Variants in KIRREL3 observed in about 807,000 individuals in gnomAD.
KIRREL3 encodes the protein kirre like nephrin family adhesion molecule 3, also known as kin of IRRE-like protein 3.
A neutral mutation model predicts 89.7 loss-of-function variants in KIRREL3; 36 were observed. The ratio of observed to expected loss-of-function variants is 0.40; its 90% CI spans 0.31 to 0.53. The LOEUF (loss-of-function observed/expected upper bound fraction) is 0.53. Ranked by LOEUF, KIRREL3 falls within the 20% of genes least tolerant of loss-of-function variation. The pLI is 0.49. For synonymous variants in KIRREL3, 445 were observed against 441.4 expected (o/e 1.01, Z -0.10); for missense variants, 864 against 1,056.6 (o/e 0.82, Z 2.53).
At chr11:126,473,244 A>AACCCCCCCCCC in intron 5 of KIRREL3, 65 bp downstream of exon 5, 1 of 617,096 alleles carries the variant, frequency 1.6e-6, no homozygotes, top group Admixed American at 6.3e-5. Flanking sequence ...CTGTCCACCT[A>AACCCCCCCCCC]GCCCCCTCCC....
At position 126,883,217 on chromosome 11, in the gene KIRREL3, A is replaced by G. The variant is rs535108086; in HGVS notation, c.55+117238T>C. ...GGAGACAGGAGGATCATCATCTGCT[A>G]TAGAGAGTTCTTGAGAAGCCAGGAA... On this transcript the variant is annotated intron_variant, in intron 1 of 16. Coordinates refer to ENST00000525144, the MANE Select transcript of KIRREL3 (RefSeq NM_032531.4). This position sits in a 1 kb window ranked among gnomAD's most constrained non-coding sequence, Gnocchi z 4.1. Among the ~76,000 whole-genome samples, 58 of 152,292 alleles carry G rather than the reference A, an allele frequency of 3.8e-4. No individual in the cohort carries two copies. The South Asian group carries it at 0.012, about 30-fold the overall frequency.
chr11:126,870,918 A>G lies in KIRREL3; in HGVS notation c.55+129537T>C, dbSNP rs1945087117. ...AATTTTCTGCCTACCTTACAGAAAG[A>G]CTGGACCAAAACTGTTCTACATGGC... On this transcript the variant is annotated intron_variant, in intron 1 of 16. Transcript: ENST00000525144. This position sits in a 1 kb window ranked among gnomAD's most constrained non-coding sequence, Gnocchi z 4.4. 6.6e-6 allele frequency among the ~76,000 whole-genome samples: 1 copy of G among 152,032 alleles called. No homozygotes were observed. The highest frequency in any genetic ancestry group is 2.4e-5 in the African/African-American group (1 of 41,392).
At chr11:126,847,522 TA>T (rs1363914122) in intron 1 of KIRREL3, among the ~76,000 whole-genome samples, 1 of 152,146 alleles carries the variant, frequency 6.6e-6, no homozygotes, top group African/African-American at 2.4e-5. Flanking sequence ...AAGTTTCTGA[TA>T]ACTTTGGAGA....
chr11:126,709,028 C>A lies in KIRREL3; in HGVS notation c.56-146116G>T, dbSNP rs1482945550. 1.3e-5 allele frequency among the ~76,000 whole-genome samples: 2 copies of A among 152,192 alleles called. No homozygotes were observed. The highest frequency in any genetic ancestry group is 4.8e-5 in the African/African-American group (2 of 41,442). ...CCCAGGACAGCTTGTGTTATCACGGCCAGGTGGATCTTTCTAGAACACCAA... is the reference window on the plus strand; with the variant it reads ...CCCAGGACAGCTTGTGTTATCACGGACAGGTGGATCTTTCTAGAACACCAA... On this transcript the variant is annotated intron_variant, in intron 1 of 16. Transcript: ENST00000525144. This position sits in a 1 kb window ranked among gnomAD's most constrained non-coding sequence, Gnocchi z 4.0.
rs374910009 is a variant in KIRREL3 at position 126,627,582 on chromosome 11, G to A, written c.56-64670C>T. Among the ~76,000 whole-genome samples the A allele has an allele frequency of 4.6e-5, 7 of 152,206 alleles. No homozygotes were observed. Among genetic ancestry groups the A allele is most frequent in the Non-Finnish European group, 7.3e-5 (5 of 68,040 alleles). ...TGCCATGTGGCCGATGTGTCCTACC[G>A]TGGTACATCATCTCCTAATTAACAT... On this transcript the variant is annotated intron_variant, in intron 1 of 16. Transcript: ENST00000525144. This position sits in a 1 kb window ranked among gnomAD's most constrained non-coding sequence, Gnocchi z 5.0.
intron 4 of KIRREL3, among the ~76,000 whole-genome samples, chr11:126,518,662 G>T (rs1243039364): frequency 6.6e-6 from 1 of 152,260 alleles, no homozygotes; most frequent in East Asian, 1.9e-4. Context: ...GTCTTGGTAG[G>T]GAAGGCGGCT....
intron 2 of KIRREL3, among the ~76,000 whole-genome samples, chr11:126,552,340 C>A (rs1372925649): frequency 6.6e-6 from 1 of 152,112 alleles, no homozygotes; most frequent in Non-Finnish European, 1.5e-5. Context: ...ACTATTCTTA[C>A]CACCAGGCCC....
At chr11:126,825,588 C>T (rs1306555672) in intron 1 of KIRREL3, among the ~76,000 whole-genome samples, 1 of 152,182 alleles carries the variant, frequency 6.6e-6, no homozygotes, top group Non-Finnish European at 1.5e-5. Flanking sequence ...AAATCACAGG[C>T]TACTGCTGTT....
intron 10 of KIRREL3, 120 bp from the exon 11 acceptor site, chr11:126,440,669 C>T (rs753039081): frequency 1.1e-5 from 10 of 907,280 alleles, no homozygotes; most frequent in Non-Finnish European, 1.8e-6. Flanking sequence ...TTGCCGAAGG[C>T]CTGTATGTGC....
chr11:126,660,895 T>G lies in KIRREL3; in HGVS notation c.56-97983A>C, dbSNP rs571813732. On this transcript the variant is annotated intron_variant, in intron 1 of 16. Transcript: ENST00000525144. The stretch of plus-strand genomic sequence containing the variant: ...GGGATAGAGGCTTGGCAAACAACTG[T>G]GTTTTGCTTTGACTTTTGCAGAGTG... Among the ~76,000 whole-genome samples, 74 of 152,278 alleles carry G rather than the reference T, an allele frequency of 4.9e-4. 2 individuals are homozygous for G. The South Asian group carries it at 0.014, about 29-fold the overall frequency.
At chr11:126,444,849 C>G (rs1314309818) in intron 10 of KIRREL3, 130 bp downstream of exon 10, 2 of 1,236,928 alleles carry the variant, frequency 1.6e-6, no homozygotes, top group Non-Finnish European at 2.2e-6. Flanking sequence ...TAATTGTTGT[C>G]TACCCATAGT....
At chr11:126,580,351 G>A (rs1414501952) in intron 1 of KIRREL3, among the ~76,000 whole-genome samples, 6 of 152,204 alleles carry the variant, frequency 3.9e-5, no homozygotes, top group African/African-American at 9.6e-5. Context: ...GGAGGTCTTC[G>A]TGGAGGAGGC....
At chr11:126,702,803 G>A (rs1236435018) in intron 1 of KIRREL3, among the ~76,000 whole-genome samples, 1 of 152,184 alleles carries the variant, frequency 6.6e-6, no homozygotes, top group Non-Finnish European at 1.5e-5. Context: ...GAGTGTGTGT[G>A]TCTGATCTGA....
intron 10 of KIRREL3, 65 bp from the exon 11 acceptor site, chr11:126,440,614 G>A (rs1955527540): frequency 7.1e-7 from 1 of 1,408,138 alleles, no homozygotes; most frequent in South Asian, 1.2e-5. Flanking sequence ...GCCCTCTTGG[G>A]TGGGTTCAGA....
chr11:126,665,483 G>A (rs547145741), intron 1 of KIRREL3, among the ~76,000 whole-genome samples: 1 of 152,294 alleles, frequency 6.6e-6, no homozygotes, highest in South Asian at 2.1e-4. Flanking sequence ...AGGAGGTGGG[G>A]CCTTTGGGAG....
In KIRREL3 at chr11:126,587,788, G is replaced by A. The variant is rs1206368401; in HGVS notation, c.56-24876C>T. Among the ~76,000 whole-genome samples, 1 of 152,186 alleles carries A rather than the reference G, an allele frequency of 6.6e-6. No homozygotes were observed. The highest frequency in any genetic ancestry group is 1.5e-5 in the Non-Finnish European group (1 of 68,038). On this transcript the variant is annotated intron_variant, in intron 1 of 16. Coordinates refer to ENST00000525144, the MANE Select transcript of KIRREL3 (RefSeq NM_032531.4). The surrounding 1 kb of genome is among the most constrained non-coding windows in gnomAD (Gnocchi z 5.2). ...ATACATTCCAGCAAATTTAGATTAG[G>A]AATGATTATGACTTAAGTAAAATAG...
chr11:126,582,448 C>T (rs1941600528), intron 1 of KIRREL3, among the ~76,000 whole-genome samples: 1 of 152,190 alleles, frequency 6.6e-6, no homozygotes, highest in Admixed American at 6.5e-5. Context: ...AGACACGGTT[C>T]GGGGGTTTAG....
chr11:126,540,567 C>T (rs1002478090), intron 2 of KIRREL3, among the ~76,000 whole-genome samples: 5 of 152,242 alleles, frequency 3.3e-5, no homozygotes, highest in African/African-American at 9.6e-5. Flanking sequence ...ATCAGGCTCG[C>T]GGCCCCTGCC....
Position 126,424,314 on chromosome 11 carries a change from G to A in KIRREL3, c.*266C>T. On this transcript the variant is annotated 3_prime_UTR_variant, in exon 17 of 17. Coordinates refer to ENST00000525144, the MANE Select transcript of KIRREL3 (RefSeq NM_032531.4). ...TAGAGGGGCCTCCAGGAAAGGGCCG[G>A]GGACACGGGTGTCCAGCACTAAGCA... is the stretch of plus-strand genomic sequence containing the variant. The A allele has an allele frequency of 3.8e-6, 2 of 529,668 alleles. No homozygotes were observed. Among genetic ancestry groups the A allele is most frequent in the Non-Finnish European group, 6.8e-6 (2 of 294,668 alleles). 32.8% of individuals were successfully genotyped at this position (529,668 alleles called of 1,614,324 possible).
Sources: allele counts gnomAD v4.1 joint callset (sites outside exome capture counted in the v4.1 genomes callset), GRCh38; gene constraint gnomAD v4.1.1; non-coding constraint Gnocchi (gnomAD v3.1); transcripts MANE v1.5; gene names NCBI Gene and HGNC (gene_info 2026-07-23, HGNC 2026-07-21).